EMB: variants seen among roughly 807,000 people sequenced by gnomAD.
The protein encoded by EMB is embigin, also known as embigin homolog.
A neutral mutation model predicts 41.4 loss-of-function variants in EMB; 31 were observed. The observed-to-expected ratio is 0.75, with a 90% CI of 0.56 to 1.01. EMB has a LOEUF of 1.01. Ranked by LOEUF, EMB falls within the 50% of genes least tolerant of loss-of-function variation. The pLI, the probability that EMB is intolerant of heterozygous loss-of-function variation, is 0.00. For synonymous variants in EMB, 137 were observed against 140.4 expected (o/e 0.98, Z 0.17); for missense variants, 379 against 388.3 (o/e 0.98, Z 0.20).
intron 1 of EMB, among the ~76,000 whole-genome samples, chr5:50,432,750 T>TAAAAAAAAAAAAAAAAAAAAAAAAAGAA (rs35639181): frequency 1.0e-5 from 1 of 98,960 alleles, no homozygotes. Context: ...GAAAAACAAG[T>TAAAAAAAAAAAAAAAAAAAAAAAAAGAA]AAAAAAAAAA....
At position 50,403,562 on chromosome 5, in the gene EMB, G is replaced by C; in HGVS notation, c.601-108C>G. ...ATAATGCCAACAATATTGCTTACTA[G>C]AGAAAGGCATATTAAAGTTTGTGAG... On this transcript the variant is annotated intron_variant, in intron 5 of 8. Transcript: ENST00000303221. The C allele has an allele frequency of 3.3e-6, 4 of 1,222,968 alleles. No individual in the cohort carries two copies. The South Asian group carries it at 5.9e-5, about 18-fold the overall frequency. The allele number at this position is 1,222,968 out of a possible 1,614,324, so 75.8% of individuals were successfully genotyped here.
rs577579584 is a variant in EMB, at chr5:50,396,470, T to C, written c.*2803A>G. 2.0e-5 allele frequency: 3 copies of C among 152,184 alleles called. No individual in the cohort carries two copies. In the South Asian group the frequency reaches 6.2e-4, roughly 32 times the overall value. 9.4% of individuals were successfully genotyped at this position (152,184 alleles called of 1,614,324 possible). A position where few individuals can be genotyped will look rare whatever the true frequency, so the allele number is the denominator to read the frequency against. On this transcript the variant is annotated 3_prime_UTR_variant, in exon 9 of 9. Transcript: ENST00000303221. ...ATAAATGTGGAGTTATTTAAGCATGTAAGATGGTACATGCTCTACCAGGTA... is the reference window on the plus strand; with the variant it reads ...ATAAATGTGGAGTTATTTAAGCATGCAAGATGGTACATGCTCTACCAGGTA...
intron 2 of EMB, among the ~76,000 whole-genome samples, 190 bp downstream of exon 2, chr5:50,427,954 T>A (rs1293366799): frequency 6.6e-6 from 1 of 152,178 alleles, no homozygotes; most frequent in Non-Finnish European, 1.5e-5. Flanking sequence ...CTGGTATATT[T>A]TCCTCCTTTG....
chr5:50,419,238 C>T (rs1412686763), intron 2 of EMB, among the ~76,000 whole-genome samples: 1 of 152,142 alleles, frequency 6.6e-6, no homozygotes, highest in Non-Finnish European at 1.5e-5. Context: ...ATCTCTTCTA[C>T]ATTTACAAAT....
In EMB at chr5:50,431,146, T is replaced by C. The variant is rs145431340; in HGVS notation, c.113-2919A>G. 7.6e-3 allele frequency among the ~76,000 whole-genome samples: 1,162 copies of C among 152,262 alleles called. 9 individuals carry two copies. The highest frequency in any genetic ancestry group is 0.027 in the African/African-American group (1,115 of 41,534). ...GCACTAATCTTGGTCAAGCTTCAGG[T>C]TCCACGGAAAAAGTGCCAAGTGCAA... On this transcript the variant is annotated intron_variant, in intron 1 of 8. Coordinates refer to ENST00000303221, the MANE Select transcript of EMB (RefSeq NM_198449.3).
chr5:50,438,741 G>A (rs555674676), intron 1 of EMB, among the ~76,000 whole-genome samples: 2 of 152,008 alleles, frequency 1.3e-5, no homozygotes, highest in Non-Finnish European at 2.9e-5. Flanking sequence ...GCTTAAATTC[G>A]ATGCTAACTT....
intron 2 of EMB, among the ~76,000 whole-genome samples, chr5:50,424,691 A>C (rs571399887): frequency 6.6e-6 from 1 of 152,300 alleles, no homozygotes; most frequent in South Asian, 2.1e-4. Flanking sequence ...TTTGTACCCC[A>C]GGGAATGTTT....
rs1448532934 is a variant in EMB, at chr5:50,441,113, A to T, written c.39T>A (p.Arg13=). The part of the protein sequence containing the change: ...ALPGLLEARA[R]TPRLLLLQCL... ...ACTGGAGGAGGAGCAGCCGGGGCGTACGCGCCCTGGCCTCCAGCAGGCCGG... is the reference window on the plus strand; with the variant it reads ...ACTGGAGGAGGAGCAGCCGGGGCGTTCGCGCCCTGGCCTCCAGCAGGCCGG... The change falls in exon 1 of 9, where the codon CGT becomes CGA. Residue 13 remains arginine, a synonymous_variant. Transcript: ENST00000303221. The T allele has an allele frequency of 6.6e-7, 1 of 1,514,962 alleles. No individual in the cohort carries two copies. The highest frequency in any genetic ancestry group is 8.8e-7 in the Non-Finnish European group (1 of 1,135,452). 93.8% of individuals were successfully genotyped at this position (1,514,962 alleles called of 1,614,324 possible).
chr5:50,436,400 T>G (rs1358471148), intron 1 of EMB, among the ~76,000 whole-genome samples: 2 of 152,174 alleles, frequency 1.3e-5, no homozygotes, highest in Non-Finnish European at 2.9e-5. Context: ...CTATTATCTT[T>G]CCTAGATTTA....
chr5:50,427,228 G>C (rs1745627263), intron 2 of EMB, among the ~76,000 whole-genome samples: 1 of 151,990 alleles, frequency 6.6e-6, no homozygotes, highest in Admixed American at 6.5e-5. Context: ...CTCCAATTCT[G>C]TTCTACCAAA....
chr5:50,421,372 C>G (rs532006037), intron 2 of EMB, among the ~76,000 whole-genome samples: 318 of 152,168 alleles, frequency 2.1e-3, no homozygotes, highest in Non-Finnish European at 3.3e-3. Context: ...TTAGAATGGC[C>G]ATCATTAAAA....
intron 1 of EMB, among the ~76,000 whole-genome samples, chr5:50,439,363 G>A (rs1368873023): frequency 6.6e-6 from 1 of 151,942 alleles, no homozygotes; most frequent in Admixed American, 6.6e-5. Context: ...CCAGGCTGGA[G>A]CTTAGTGGCA....
chr5:50,421,402 C>T (rs2111827152), intron 2 of EMB, among the ~76,000 whole-genome samples: 1 of 152,210 alleles, frequency 6.6e-6, no homozygotes, highest in Middle Eastern at 3.4e-3. Flanking sequence ...ACAACAGGTG[C>T]TGGAGAGGAT....
rs573454949 is a variant in EMB at position 50,407,779 on chromosome 5, A to T, written c.473-1927T>A. ...CTTTTAAGACTTTGCATAAAGTAGG[A>T]TGCATACGAGTGCTACGGTTGGAAT... On this transcript the variant is annotated intron_variant, in intron 4 of 8. Coordinates refer to ENST00000303221, the MANE Select transcript of EMB (RefSeq NM_198449.3). Among the ~76,000 whole-genome samples, 3 of 151,962 alleles carry T rather than the reference A, an allele frequency of 2.0e-5. No individual in the cohort carries two copies. In the East Asian group the frequency reaches 5.8e-4, roughly 29 times the overall value.
upstream of EMB, chr5:50,443,028 T>G (rs1745939934): frequency 6.6e-6 from 1 of 151,724 alleles, no homozygotes; most frequent in South Asian, 2.1e-4. Context: ...ATTCTCATTT[T>G]GCTAAGCATT....
At chr5:50,410,808 T>C in intron 4 of EMB, 69 bp downstream of exon 4, 1 of 967,724 alleles carries the variant, frequency 1.0e-6, no homozygotes, top group African/African-American at 1.7e-5. Flanking sequence ...ATTTTAAAAT[T>C]ACAGGATTGA....
intron 3 of EMB, 64 bp downstream of exon 3, chr5:50,411,133 A>G: frequency 1.4e-6 from 2 of 1,431,998 alleles, no homozygotes; most frequent in South Asian, 1.4e-5. Context: ...ATGCTCAGTC[A>G]GCAAAAATAT....
At chr5:50,409,673 T>C (rs1277113686) in intron 4 of EMB, among the ~76,000 whole-genome samples, 3 of 147,448 alleles carry the variant, frequency 2.0e-5, no homozygotes, top group Non-Finnish European at 3.0e-5. Context: ...AAAGAGAGAT[T>C]AAGGAAAGAG....
chr5:50,431,980 T>C (rs531125590), intron 1 of EMB, among the ~76,000 whole-genome samples: 3 of 152,362 alleles, frequency 2.0e-5, no homozygotes, highest in African/African-American at 7.2e-5. Context: ...TAGAAGGGCA[T>C]ATAATTTATT....
Sources: gnomAD v4.1 joint callset for allele counts (sites outside exome capture counted in the v4.1 genomes callset) on GRCh38, gnomAD v4.1.1 for gene constraint, MANE v1.5 for transcripts, NCBI Gene and HGNC (gene_info 2026-07-23, HGNC 2026-07-21) for gene names.